Variants in KAT6B observed in about 807,000 individuals in gnomAD.
The protein encoded by KAT6B is lysine acetyltransferase 6B.
In KAT6B, 10 loss-of-function variants were observed where a neutral mutation model predicts 187.5. That is an observed-to-expected ratio of 0.05 (90% CI 0.03 to 0.09). The LOEUF (loss-of-function observed/expected upper bound fraction) is 0.09, where lower values mean the gene tolerates loss of function less well. Ranked by LOEUF, KAT6B falls within the 10% of genes least tolerant of loss-of-function variation. The probability of loss-of-function intolerance (pLI) is 1.00; values close to 1 mark genes in which losing one functional copy is unlikely to be tolerated. For missense variants in KAT6B, 1,952 were observed against 2,558.9 expected (o/e 0.76, Z 5.12); for synonymous variants, 861 against 926.8 (o/e 0.93, Z 1.29).
chr10:74,845,539 CAAAAA>C (rs1201779378), intron 3 of KAT6B, among the ~76,000 whole-genome samples: 1 of 119,288 alleles, frequency 8.4e-6, no homozygotes, highest in African/African-American at 3.2e-5. Context: ...AAAAAAAAAA[CAAAAA>C]AAAAAAGAAG....
At chr10:75,025,607 G>A (rs1010640779) in intron 17 of KAT6B, 3 of 271,022 alleles carry the variant, frequency 1.1e-5, no homozygotes, top group East Asian at 8.6e-5. Context: ...TGAAATCAAG[G>A]TATATATTAT....
rs1316018667 is a variant in KAT6B at position 75,032,441 on chromosome 10, T to C, written c.*1395T>C. 1 of 187,678 alleles carries C rather than the reference T, an allele frequency of 5.3e-6. No homozygotes were observed. The highest frequency in any genetic ancestry group is 8.5e-5 in the East Asian group (1 of 11,752). The allele number at this position is 187,678 out of a possible 1,614,324, so 11.6% of individuals were successfully genotyped here. On this transcript the variant is annotated 3_prime_UTR_variant, in exon 18 of 18. Coordinates refer to ENST00000287239, the MANE Select transcript of KAT6B (RefSeq NM_012330.4). ...TGGGATTTTCTGATTTGTTTTGACT[T>C]TGGGGGAGGGGTTGGCAATAAATAA... is the stretch of plus-strand genomic sequence containing the variant.
At chr10:74,977,551 C>T in intron 9 of KAT6B, 114 bp downstream of exon 9, 1 of 1,324,120 alleles carries the variant, frequency 7.6e-7, no homozygotes, top group Middle Eastern at 1.8e-4. Flanking sequence ...CTTTGTGATT[C>T]TTTAGCCGTT....
At chr10:75,007,492 CCTGGA>C (rs1348840795) in intron 13 of KAT6B, among the ~76,000 whole-genome samples, 1 of 151,770 alleles carries the variant, frequency 6.6e-6, no homozygotes, top group Non-Finnish European at 1.5e-5. Flanking sequence ...TGTTCTAGTG[CCTGGA>C]CTGTTTTGGT....
chr10:75,027,294 G>A (rs908921132), intron 17 of KAT6B, among the ~76,000 whole-genome samples: 5 of 152,122 alleles, frequency 3.3e-5, no homozygotes, highest in East Asian at 3.9e-4. Flanking sequence ...TCAGCTGGTC[G>A]GTTTGAATGT....
chr10:74,856,522 T>C (rs758489189), intron 3 of KAT6B, among the ~76,000 whole-genome samples: 4 of 152,140 alleles, frequency 2.6e-5, no homozygotes, highest in African/African-American at 7.2e-5. Flanking sequence ...TCTAGGGTAG[T>C]TGTCTTGTAG....
intron 3 of KAT6B, among the ~76,000 whole-genome samples, chr10:74,956,601 A>G (rs1377666525): frequency 6.6e-6 from 1 of 152,238 alleles, no homozygotes; most frequent in African/African-American, 2.4e-5. Flanking sequence ...ATGGGCTCTC[A>G]TGAAGACAGA....
At chr10:74,927,045 T>C (rs1441977738) in intron 3 of KAT6B, among the ~76,000 whole-genome samples, 1 of 152,234 alleles carries the variant, frequency 6.6e-6, no homozygotes, top group East Asian at 1.9e-4. Context: ...TTATTATTAC[T>C]GCACCACTAT....
rs140049440 is a variant in KAT6B at position 74,894,658 on chromosome 10, A to G, written c.621+51180A>G. 2.9e-3 allele frequency among the ~76,000 whole-genome samples: 449 copies of G among 152,334 alleles called. 2 individuals carry two copies. The Middle Eastern group carries it at 0.034, about 12-fold the overall frequency. ...ACTTTCGATAACTCACATCAGTGGA[A>G]TAATGCAGTATTTGTTTTTTTCTTA... is the stretch of plus-strand genomic sequence containing the variant. On this transcript the variant is annotated intron_variant, in intron 3 of 17. Transcript: ENST00000287239.
intron 3 of KAT6B, among the ~76,000 whole-genome samples, chr10:74,870,191 G>C (rs1843816142): frequency 6.6e-6 from 1 of 152,108 alleles, no homozygotes; most frequent in African/African-American, 2.4e-5. Flanking sequence ...GAGGCAGGAG[G>C]ATCAATCACT....
At position 75,028,544 on chromosome 10, in the gene KAT6B, A is replaced by T; in HGVS notation, c.3720A>T (p.Glu1240Asp). Residue 1240 changes from glutamate (E) to aspartate (D), a missense_variant, in exon 18 of 18, where the codon GAA (glutamate) becomes GAT (aspartate). Physicochemically the swap from Glu to Asp is conservative, Grantham distance 45. Transcript: ENST00000287239. ...NLKEGSKDNP[E>D]PLKCKQVWPK... ...AAGAAGGCAGTAAAGACAATCCCGA[A>T]CCTCTAAAGTGCAAACAAGTGTGGC... 5.0e-6 allele frequency: 8 copies of T among 1,614,192 alleles called. No homozygotes were observed. Among genetic ancestry groups the T allele is most frequent in the Non-Finnish European group, 6.8e-6 (8 of 1,180,044 alleles).
At position 75,021,270 on chromosome 10, in the gene KAT6B, A is replaced by G; in HGVS notation, c.3006A>G (p.Arg1002=). 1 of 1,614,170 alleles carries G rather than the reference A, an allele frequency of 6.2e-7. No homozygotes were observed. Among genetic ancestry groups the G allele is most frequent in the Non-Finnish European group, 8.5e-7 (1 of 1,180,012 alleles). The change falls in exon 15 of 18, where the codon CGA becomes CGG. Residue 1002 remains arginine (R), a synonymous_variant. Coordinates refer to ENST00000287239, the MANE Select transcript of KAT6B (RefSeq NM_012330.4). The part of the protein sequence containing the change: ...ISNAAVSEEE[R]EAEKEAERLM... Reference sequence around the variant, plus strand: ...ATGCTGCAGTGTCTGAAGAAGAGCGAGAAGCTGAGAAAGAGGTAATGATTG... The same window carrying G: ...ATGCTGCAGTGTCTGAAGAAGAGCGGGAAGCTGAGAAAGAGGTAATGATTG...
intron 2 of KAT6B, among the ~76,000 whole-genome samples, chr10:74,841,654 G>A (rs571662174): frequency 1.3e-5 from 2 of 152,094 alleles, no homozygotes; most frequent in East Asian, 1.9e-4. Context: ...ATCTTCTCCC[G>A]AGCCTCAGTT....
At chr10:74,892,202 T>C (rs1845685707) in intron 3 of KAT6B, among the ~76,000 whole-genome samples, 1 of 152,190 alleles carries the variant, frequency 6.6e-6, no homozygotes, top group South Asian at 2.1e-4. Context: ...ACCCAGTCTC[T>C]ACACAAAGTA....
intron 4 of KAT6B, among the ~76,000 whole-genome samples, chr10:74,964,935 C>G (rs1225675532): frequency 6.6e-6 from 1 of 152,166 alleles, no homozygotes; most frequent in Non-Finnish European, 1.5e-5. Flanking sequence ...CCAGCCAGCC[C>G]CACTCAGATC....
At chr10:74,875,349 G>A (rs1432968076) in intron 3 of KAT6B, among the ~76,000 whole-genome samples, 1 of 152,068 alleles carries the variant, frequency 6.6e-6, no homozygotes, top group East Asian at 1.9e-4. Context: ...TGTTTAGCTA[G>A]TTCTTATGTG....
At chr10:74,863,779 CAG>C (rs1306590180) in intron 3 of KAT6B, among the ~76,000 whole-genome samples, 1 of 152,212 alleles carries the variant, frequency 6.6e-6, no homozygotes, top group Non-Finnish European at 1.5e-5. Context: ...CTATGCCCTG[CAG>C]ATAAGCATCT....
Position 74,856,210 on chromosome 10 carries a change from C to T in KAT6B, c.621+12732C>T, listed in dbSNP as rs531411772. Among the ~76,000 whole-genome samples, 11 of 152,188 alleles carry T rather than the reference C, an allele frequency of 7.2e-5. No homozygotes were observed. In the East Asian group the frequency reaches 9.7e-4, roughly 13 times the overall value. On this transcript the variant is annotated intron_variant, in intron 3 of 17. Coordinates refer to ENST00000287239, the MANE Select transcript of KAT6B (RefSeq NM_012330.4). The stretch of plus-strand genomic sequence containing the variant: ...AAGCAATTCTCTTGCCTCAGCCTCC[C>T]GAGCAGCTGGGACTACAGGTGCGTG...
At chr10:74,830,769 T>TATATATATGTATATATATATATATA (rs58702000) in intron 1 of KAT6B, among the ~76,000 whole-genome samples, 4 of 7,738 alleles carry the variant, frequency 5.2e-4, no homozygotes, top group African/African-American at 1.1e-3. Flanking sequence ...TATATATATA[T>TATATATATGTATATATATATATATA]TTTTTTTTTT....
Sources: allele counts gnomAD v4.1 joint callset (sites outside exome capture counted in the v4.1 genomes callset), GRCh38; gene constraint gnomAD v4.1.1; transcripts MANE v1.5; gene names NCBI Gene and HGNC (gene_info 2026-07-23, HGNC 2026-07-21).